TRPM2: variants seen among roughly 807,000 people sequenced by gnomAD.
The protein encoded by TRPM2 is transient receptor potential cation channel subfamily M member 2.
A neutral mutation model predicts 174.0 loss-of-function variants in TRPM2; 161 were observed. The ratio of observed to expected loss-of-function variants is 0.93; its 90% CI spans 0.81 to 1.05. The LOEUF (loss-of-function observed/expected upper bound fraction) is 1.05, where lower values mean the gene tolerates loss of function less well. Among genes scored for constraint, TRPM2 ranks in the 50% least tolerant of loss-of-function variants. The pLI is 0.00. For synonymous variants in TRPM2, 954 were observed against 861.3 expected (o/e 1.11, Z -1.88); for missense variants, 2,057 against 2,038.0 (o/e 1.01, Z -0.18).
rs759867605 is a variant in TRPM2 at position 44,441,844 on chromosome 21, G to A, written c.*27G>A. ...TGTGCCCTCAGGCTGGGCGGCTCCA[G>A]TCCATAGACGTTCCCCCCAGAAACC... On this transcript the variant is annotated 3_prime_UTR_variant, in exon 32 of 32. Transcript: ENST00000397928. The A allele has an allele frequency of 6.4e-7, 1 of 1,567,934 alleles. No homozygotes were observed. Among genetic ancestry groups the A allele is most frequent in the East Asian group, 2.3e-5 (1 of 43,246 alleles).
chr21:44,384,118 T>G (rs2048956394), intron 9 of TRPM2, among the ~76,000 whole-genome samples: 1 of 152,046 alleles, frequency 6.6e-6, no homozygotes, highest in Non-Finnish European at 1.5e-5. Flanking sequence ...CTAACTGGAC[T>G]AAGAAAAAAG....
In TRPM2 at chr21:44,418,102, C is replaced by G; in HGVS notation, c.3322C>G (p.Gln1108Glu). The part of the protein sequence containing the change: ...VLKTPAKRHK[Q>E]LKNKLEKNEE... The stretch of plus-strand genomic sequence containing the variant: ...GAAGACTCCGGCCAAGAGGCACAAG[C>G]AGCTCAGTATGCCAGCCCCAGTGCC... The change falls in exon 21 of 32, where the codon CAG becomes GAG. Residue 1108 changes from glutamine (Q) to glutamate (E), a missense_variant. By Grantham distance (29) the Gln-to-Glu change is conservative (BLOSUM62 2). Coordinates refer to ENST00000397928, the MANE Select transcript of TRPM2 (RefSeq NM_003307.4). 6.2e-7 allele frequency: 1 copy of G among 1,610,780 alleles called. No homozygotes were observed. Among genetic ancestry groups the G allele is most frequent in the South Asian group, 1.1e-5 (1 of 90,994 alleles).
At chr21:44,380,545 T>A (rs943429452) in intron 8 of TRPM2, among the ~76,000 whole-genome samples, 1 of 152,234 alleles carries the variant, frequency 6.6e-6, no homozygotes, top group African/African-American at 2.4e-5. Flanking sequence ...CTGAAAGTGG[T>A]GCTTTCACAC....
Position 44,441,556 on chromosome 21 carries a change from G to A in TRPM2, c.4387-136G>A, listed in dbSNP as rs146597540. The stretch of plus-strand genomic sequence containing the variant: ...GCATCTCTGGTGCACCTGACGCAGG[G>A]GTCCTGCCTCCCATTTCACAGAGGA... On this transcript the variant is annotated intron_variant, in intron 31 of 31. Coordinates refer to ENST00000397928, the MANE Select transcript of TRPM2 (RefSeq NM_003307.4). The A allele has an allele frequency of 1.1e-4, 137 of 1,220,916 alleles. No individual in the cohort carries two copies. The African/African-American group carries it at 1.9e-3, about 17-fold the overall frequency. The allele number at this position is 1,220,916 out of a possible 1,614,324, so 75.6% of individuals were successfully genotyped here. A position where few individuals can be genotyped will look rare whatever the true frequency, so the allele number is the denominator to read the frequency against.
chr21:44,375,869 G>A lies in TRPM2; in HGVS notation c.808G>A (p.Gly270Ser). ...FPAEYILDEDGQGNLTCLDSN... is the reference protein window; with the variant it reads ...FPAEYILDEDSQGNLTCLDSN... ...CGCCGAGTACATACTGGATGAGGAT[G>A]GCCAAGGGAACCTGACCTGCCTAGA... is the stretch of plus-strand genomic sequence containing the variant. The change falls in exon 6 of 32, where the codon GGC (glycine) becomes AGC (serine). Residue 270 changes from glycine (G) to serine (S), a missense_variant. Gly to Ser is a moderately conservative substitution (Grantham distance 56, BLOSUM62 0). Transcript: ENST00000397928. The A allele has an allele frequency of 1.9e-6, 3 of 1,614,010 alleles. No individual in the cohort carries two copies. Among genetic ancestry groups the A allele is most frequent in the South Asian group, 1.1e-5 (1 of 91,088 alleles).
intron 27 of TRPM2, among the ~76,000 whole-genome samples, chr21:44,433,746 C>G (rs1056301579): frequency 6.6e-6 from 1 of 152,174 alleles, no homozygotes; most frequent in Admixed American, 6.5e-5. Context: ...CAGAGGAGAC[C>G]GCAGAGTGAG....
intron 2 of TRPM2, among the ~76,000 whole-genome samples, chr21:44,356,571 G>A (rs1353255292): frequency 2.1e-5 from 3 of 145,114 alleles, no homozygotes; most frequent in African/African-American, 5.2e-5. Context: ...TCGCTCTGTC[G>A]CCCAGGCTGG....
At chr21:44,365,721 G>A (rs2048339510) in intron 3 of TRPM2, among the ~76,000 whole-genome samples, 1 of 152,212 alleles carries the variant, frequency 6.6e-6, no homozygotes. Flanking sequence ...ACAGGGGCCG[G>A]TGGTGTGAGG....
intron 16 of TRPM2, among the ~76,000 whole-genome samples, chr21:44,403,682 CAT>C (rs1406004470): frequency 4.0e-5 from 6 of 151,094 alleles, no homozygotes; most frequent in Admixed American, 2.0e-4. Context: ...CATGCATACA[CAT>C]ACATGCACAC....
intron 29 of TRPM2, 112 bp downstream of exon 29, chr21:44,437,279 C>T: frequency 9.7e-7 from 1 of 1,027,682 alleles, no homozygotes; most frequent in Non-Finnish European, 1.4e-6. Context: ...CCCCTGCAGC[C>T]CCTGGGCAGG....
intron 9 of TRPM2, 125 bp from the exon 10 acceptor site, chr21:44,390,779 C>T (rs560010530): frequency 9.1e-5 from 121 of 1,330,254 alleles, no homozygotes; most frequent in Non-Finnish European, 6.1e-5. Flanking sequence ...GGGTGCTGCG[C>T]CTGTCACTTT....
chr21:44,436,075 C>G (rs977685713), intron 28 of TRPM2, among the ~76,000 whole-genome samples: 3 of 151,934 alleles, frequency 2.0e-5, no homozygotes, highest in African/African-American at 4.8e-5. Flanking sequence ...GCTCATTCCT[C>G]CACACCCATT....
rs45456201 is a variant in TRPM2 at position 44,379,766 on chromosome 21, G to A, written c.1215+569G>A. 2.3e-3 allele frequency among the ~76,000 whole-genome samples: 349 copies of A among 152,350 alleles called. 2 individuals carry two copies. The highest frequency in any genetic ancestry group is 0.01 in the Middle Eastern group (3 of 294). ...CACCCCACCAAGCCCTTGACCAGGGGGGTGGGCTCCAGTGGAGAGCCTCTC... is the reference window on the plus strand; with the variant it reads ...CACCCCACCAAGCCCTTGACCAGGGAGGTGGGCTCCAGTGGAGAGCCTCTC... On this transcript the variant is annotated intron_variant, in intron 8 of 31. Transcript: ENST00000397928.
intron 22 of TRPM2, among the ~76,000 whole-genome samples, chr21:44,420,639 C>T (rs2050515821): frequency 2.6e-5 from 4 of 152,198 alleles, no homozygotes; most frequent in African/African-American, 9.6e-5. Flanking sequence ...TGGATGGCCT[C>T]GTCTGGGACT....
chr21:44,353,948 G>A (rs898840921), intron 1 of TRPM2, 83 bp downstream of exon 1: 12 of 1,488,326 alleles, frequency 8.1e-6, no homozygotes, highest in South Asian at 2.6e-5. Flanking sequence ...AGGCTGTGAC[G>A]ACGGGGGTGG....
At chr21:44,374,247 C>G (rs1202385751) in intron 5 of TRPM2, among the ~76,000 whole-genome samples, 1 of 151,972 alleles carries the variant, frequency 6.6e-6, no homozygotes, top group Non-Finnish European at 1.5e-5. Flanking sequence ...CTGACCTCAA[C>G]TGATCTGCCC....
chr21:44,434,621 C>T (rs1392589629), intron 27 of TRPM2, among the ~76,000 whole-genome samples: 2 of 152,124 alleles, frequency 1.3e-5, no homozygotes, highest in South Asian at 2.1e-4. Context: ...CCATGGGAAG[C>T]GTCTGTGGCT....
chr21:44,381,581 G>A (rs1042238984), intron 8 of TRPM2, among the ~76,000 whole-genome samples: 8 of 151,966 alleles, frequency 5.3e-5, no homozygotes, highest in African/African-American at 1.9e-4. Flanking sequence ...TAGATGGATG[G>A]ATGGATGGAT....
At position 44,405,974 on chromosome 21, in the gene TRPM2, G is replaced by C. The variant is rs747905540; in HGVS notation, c.2727G>C (p.Arg909=). 1.2e-6 allele frequency: 2 copies of C among 1,608,794 alleles called. No individual in the cohort carries two copies. Among genetic ancestry groups the C allele is most frequent in the East Asian group, 2.2e-5 (1 of 44,864 alleles). ...TGGACTTCATCCTGTTCTGCCTCCGGCTCATGCACATTTTTACCATCAGTA... is the reference window on the plus strand; with the variant it reads ...TGGACTTCATCCTGTTCTGCCTCCGCCTCATGCACATTTTTACCATCAGTA... The part of the protein sequence containing the change: ...LSLDFILFCL[R]LMHIFTISKT... The change falls in exon 18 of 32, where the codon CGG becomes CGC. Residue 909 remains arginine, a synonymous_variant. Coordinates refer to ENST00000397928, the MANE Select transcript of TRPM2 (RefSeq NM_003307.4).
Sources: allele counts gnomAD v4.1 joint callset (sites outside exome capture counted in the v4.1 genomes callset), GRCh38; gene constraint gnomAD v4.1.1; transcripts MANE v1.5; gene names NCBI Gene and HGNC (gene_info 2026-07-23, HGNC 2026-07-21).